Variants in PKIB observed in about 807,000 individuals in gnomAD.
PKIB encodes cAMP-dependent protein kinase inhibitor beta.
Under a neutral mutation model 4.5 loss-of-function variants are expected in PKIB, and 2 were observed. That is an observed-to-expected ratio of 0.44 (90% confidence interval 0.18 to 1.39). The LOEUF is 1.39. PKIB is among the 40% of genes most tolerant of loss of function. The probability of loss-of-function intolerance (pLI) is 0.27; values close to 1 mark genes in which losing one functional copy is unlikely to be tolerated. For synonymous variants in PKIB, 38 were observed against 36.0 expected, an observed-to-expected ratio of 1.06 and a Z score of -0.20; for missense variants, 94 against 92.6, an observed-to-expected ratio of 1.02 and a Z score of -0.06.
intron 1 of PKIB, among the ~76,000 whole-genome samples, chr6:122,616,656 C>A (rs1184226063): frequency 6.6e-6 from 1 of 151,534 alleles, no homozygotes; most frequent in Admixed American, 6.6e-5. Context: ...AGGCCTTGAA[C>A]ATACAATGTT....
At chr6:122,492,054 A>G (rs1775947236) in intron 2 of PKIB, among the ~76,000 whole-genome samples, 1 of 152,206 alleles carries the variant, frequency 6.6e-6, no homozygotes, top group Admixed American at 6.5e-5. Context: ...GGTTTTATTC[A>G]GAGGCTTAAG....
At chr6:122,538,801 C>T (rs554468503) in intron 2 of PKIB, among the ~76,000 whole-genome samples, 1 of 152,212 alleles carries the variant, frequency 6.6e-6, no homozygotes, top group African/African-American at 2.4e-5. Flanking sequence ...TTGATTCTTC[C>T]TACCCATGAG....
exon 1 of PKIB, chr6:122,471,949 T>C (rs1358009521): frequency 6.1e-6 from 7 of 1,141,356 alleles, no homozygotes; most frequent in Middle Eastern, 2.3e-4. Context: ...ACGACACGGC[T>C]GTCTTCTTTC....
At chr6:122,686,895 A>T (rs1240848549) in intron 3 of PKIB, among the ~76,000 whole-genome samples, 1 of 152,038 alleles carries the variant, frequency 6.6e-6, no homozygotes, top group Non-Finnish European at 1.5e-5. Flanking sequence ...CTTTGTAAAT[A>T]TTTTATCCCT....
intron 3 of PKIB, among the ~76,000 whole-genome samples, chr6:122,681,888 C>A (rs568896098): frequency 2.0e-5 from 3 of 152,126 alleles, no homozygotes; most frequent in Non-Finnish European, 4.4e-5. Context: ...AGAAAGCATG[C>A]GCTAATGTGT....
chr6:122,697,261 T>C (rs967887042), intron 3 of PKIB, among the ~76,000 whole-genome samples: 3 of 152,100 alleles, frequency 2.0e-5, no homozygotes, highest in South Asian at 2.1e-4. Context: ...TGGTGGTCTG[T>C]CTAGGATACC....
chr6:122,587,309 G>T (rs1773880330), intron 3 of PKIB, among the ~76,000 whole-genome samples: 1 of 152,118 alleles, frequency 6.6e-6, no homozygotes. Context: ...AGTTTGCTGA[G>T]AATGATGGTT....
intron 2 of PKIB, among the ~76,000 whole-genome samples, chr6:122,559,494 CT>C (rs1411140665): frequency 1.3e-5 from 2 of 151,904 alleles, no homozygotes; most frequent in African/African-American, 4.8e-5. Flanking sequence ...CAGATTTGGT[CT>C]TTTTGCTTAG....
intron 1 of PKIB, among the ~76,000 whole-genome samples, chr6:122,630,786 A>T (rs9388106): frequency 0.083 from 12,662 of 152,216 alleles, 677 homozygotes; most frequent in Non-Finnish European, 0.12. Flanking sequence ...TCAGTTTATG[A>T]TCCTCAGTAT....
intron 2 of PKIB, among the ~76,000 whole-genome samples, chr6:122,518,564 T>C (rs1582671396): frequency 1.3e-5 from 2 of 151,670 alleles, no homozygotes; most frequent in African/African-American, 4.8e-5. Flanking sequence ...TGAGGCAGAG[T>C]GGCAATGGGA....
At chr6:122,657,839 A>T (rs1314042549) in intron 2 of PKIB, among the ~76,000 whole-genome samples, 4 of 152,228 alleles carry the variant, frequency 2.6e-5, no homozygotes, top group African/African-American at 9.6e-5. Flanking sequence ...AGCTTCACAG[A>T]TACAGGAATC....
chr6:122,619,237 A>G (rs1775120737), intron 1 of PKIB, among the ~76,000 whole-genome samples: 1 of 152,120 alleles, frequency 6.6e-6, no homozygotes, highest in Non-Finnish European at 1.5e-5. Context: ...AAAGTTATCA[A>G]TCTATTCTCA....
intron 2 of PKIB, among the ~76,000 whole-genome samples, chr6:122,530,758 C>T (rs577819863): frequency 1.3e-5 from 2 of 152,308 alleles, no homozygotes; most frequent in East Asian, 1.9e-4. Flanking sequence ...AGACAGCTCT[C>T]AGATAAACCA....
At chr6:122,701,776 G>C (rs6931347) in intron 3 of PKIB, among the ~76,000 whole-genome samples, 1 of 152,116 alleles carries the variant, frequency 6.6e-6, no homozygotes, top group East Asian at 1.9e-4. Flanking sequence ...AAAGATTCCT[G>C]CCCTGGAGAT....
chr6:122,605,457 C>T (rs1774498696), upstream of PKIB, among the ~76,000 whole-genome samples: 1 of 152,176 alleles, frequency 6.6e-6, no homozygotes, highest in East Asian at 1.9e-4. Context: ...TTCGACATTT[C>T]CTTCTTCCCT....
At chr6:122,528,659 A>G (rs1409560808) in intron 2 of PKIB, among the ~76,000 whole-genome samples, 1 of 152,140 alleles carries the variant, frequency 6.6e-6, no homozygotes, top group East Asian at 1.9e-4. Flanking sequence ...TGGGAAGCCA[A>G]GGTGGGAGGA....
intron 3 of PKIB, among the ~76,000 whole-genome samples, chr6:122,601,836 T>A (rs566313125): frequency 6.6e-6 from 1 of 152,262 alleles, no homozygotes; most frequent in Admixed American, 6.5e-5. Flanking sequence ...ACAGTAGCTA[T>A]TAGTAGTTGT....
At position 122,540,341 on chromosome 6, in the gene PKIB, C is replaced by T. The variant is rs866394920; in HGVS notation, c.-247-45580C>T. On this transcript the variant is annotated intron_variant, in intron 2 of 6. Transcript: ENST00000392491. ...TTAGTGCTATAAATTTCCCTCTACA[C>T]ACTGCTTTGAATGTGTCCCAGAGAT... is the stretch of plus-strand genomic sequence containing the variant. Among the ~76,000 whole-genome samples the T allele has an allele frequency of 9.2e-5, 14 of 151,988 alleles. 1 individual carries two copies. In the South Asian group the frequency reaches 2.9e-3, roughly 32 times the overall value.
At chr6:122,532,470 C>A (rs192401757) in intron 2 of PKIB, among the ~76,000 whole-genome samples, 2 of 152,226 alleles carry the variant, frequency 1.3e-5, no homozygotes, top group East Asian at 3.9e-4. Context: ...GTAATCATCA[C>A]CACTATCCAT....
Sources: allele counts gnomAD v4.1 joint callset (sites outside exome capture counted in the v4.1 genomes callset), GRCh38; gene constraint gnomAD v4.1.1; transcripts MANE v1.5; gene names NCBI Gene and HGNC (gene_info 2026-07-23, HGNC 2026-07-21).